The following DLEC1 variants were observed in gnomAD, a reference collection of about 807,000 sequenced individuals.
DLEC1 encodes the protein DLEC1 cilia and flagella associated protein.
In DLEC1, 146 loss-of-function variants were observed where a neutral mutation model predicts 198.1. The ratio of observed to expected loss-of-function variants is 0.74; its 90% CI spans 0.64 to 0.85. The LOEUF (loss-of-function observed/expected upper bound fraction) is 0.85, where lower values mean the gene tolerates loss of function less well. DLEC1 is among the 40% of genes least tolerant of loss of function. DLEC1 has a pLI of 0.00. For synonymous variants in DLEC1, 897 were observed against 866.8 expected, an observed-to-expected ratio of 1.03 and a Z score of -0.61; for missense variants, 2,233 against 2,220.0, an observed-to-expected ratio of 1.01 and a Z score of -0.12.
intron 3 of DLEC1, among the ~76,000 whole-genome samples, chr3:38,060,740 G>T (rs1696635938): frequency 6.6e-6 from 1 of 151,928 alleles, no homozygotes; most frequent in Admixed American, 6.6e-5. Flanking sequence ...TGTTGTCCAG[G>T]CTAGAGTGCA....
At chr3:38,077,431 G>T (rs1423394323) in intron 6 of DLEC1, among the ~76,000 whole-genome samples, 1 of 152,232 alleles carries the variant, frequency 6.6e-6, no homozygotes, top group African/African-American at 2.4e-5. Flanking sequence ...TTCTGAGAAG[G>T]GAAAGTGGTG....
chr3:38,093,718 G>A lies in DLEC1; in HGVS notation c.1870G>A (p.Glu624Lys). ...CCAGCACTTCATACGATTTGAGCCT[G>A]AAAACCTTCGGTCCACGGCTAGGAA... ...TAQHFIRFEP[E>K]NLRSTARKQL... Residue 624 changes from glutamate to lysine, a missense_variant, in exon 12 of 37, where the codon GAA (glutamate) becomes AAA (lysine). By Grantham distance (56) the Glu-to-Lys change is moderately conservative. Coordinates refer to ENST00000308059, the MANE Select transcript of DLEC1 (RefSeq NM_007335.4). The A allele has an allele frequency of 6.2e-7, 1 of 1,614,226 alleles. No individual in the cohort carries two copies. The highest frequency in any genetic ancestry group is 1.3e-5 in the African/African-American group (1 of 75,054).
intron 3 of DLEC1, 28 bp downstream of exon 3, chr3:38,059,880 T>C: frequency 6.3e-7 from 1 of 1,598,216 alleles, no homozygotes; most frequent in South Asian, 1.1e-5. Flanking sequence ...TCAAGGCCTC[T>C]GATACCATTT....
At chr3:38,090,377 C>T (rs190350469) in intron 10 of DLEC1, among the ~76,000 whole-genome samples, 16 of 152,162 alleles carry the variant, frequency 1.1e-4, no homozygotes, top group Admixed American at 8.5e-4. Context: ...CCATTTTTTT[C>T]TTCACACACA....
intron 19 of DLEC1, among the ~76,000 whole-genome samples, chr3:38,101,505 A>G (rs1392126395): frequency 6.6e-6 from 1 of 152,058 alleles, no homozygotes; most frequent in Admixed American, 6.6e-5. Flanking sequence ...TATTCGTTAA[A>G]CTATATATAT....
At chr3:38,067,814 A>AG (rs1159004493) in intron 6 of DLEC1, among the ~76,000 whole-genome samples, 1 of 144,290 alleles carries the variant, frequency 6.9e-6, no homozygotes, top group Non-Finnish European at 1.5e-5. Flanking sequence ...GTGCAGTTGC[A>AG]GGATCTTGGC....
Position 38,063,932 on chromosome 3 carries a change from T to C in DLEC1, c.1173+13T>C. On this transcript the variant is annotated intron_variant, in intron 6 of 36. Transcript: ENST00000308059. ...TCCAGTTTATGAGGTAGACATCTTGTTTCTTTACAGCTCCCACCCCATCTG... is the reference window on the plus strand; with the variant it reads ...TCCAGTTTATGAGGTAGACATCTTGCTTCTTTACAGCTCCCACCCCATCTG... 1 of 1,587,118 alleles carries C rather than the reference T, an allele frequency of 6.3e-7. No individual in the cohort carries two copies. The highest frequency in any genetic ancestry group is 8.6e-7 in the Non-Finnish European group (1 of 1,157,078).
chr3:38,048,271 C>A (rs2125581819), intron 2 of DLEC1, among the ~76,000 whole-genome samples: 1 of 152,312 alleles, frequency 6.6e-6, no homozygotes, highest in African/African-American at 2.4e-5. Context: ...TTATTCCCTC[C>A]ACCACTCCCC....
chr3:38,097,412 T>C, intron 16 of DLEC1, 95 bp from the exon 17 acceptor site: 1 of 1,578,078 alleles, frequency 6.3e-7, no homozygotes, highest in South Asian at 1.2e-5. Flanking sequence ...GTGAGGGAGA[T>C]GAGAAGTCTG....
chr3:38,088,476 A>G (rs571145312), intron 10 of DLEC1, 88 bp downstream of exon 10: 1 of 1,255,646 alleles, frequency 8.0e-7, no homozygotes, highest in Non-Finnish European at 1.2e-6. Context: ...GTCCAGTCCC[A>G]TCCCATATCA....
At chr3:38,094,422 T>C (rs1252019792) in intron 12 of DLEC1, among the ~76,000 whole-genome samples, 1 of 152,136 alleles carries the variant, frequency 6.6e-6, no homozygotes. Context: ...TAGGCACATA[T>C]CTTTCTGGAC....
intron 27 of DLEC1, 112 bp from the exon 28 acceptor site, chr3:38,116,341 C>T: frequency 9.8e-7 from 1 of 1,025,456 alleles, no homozygotes; most frequent in Non-Finnish European, 1.4e-6. Flanking sequence ...ACCCCCTCCA[C>T]CTGGGTATGG....
Position 38,085,403 on chromosome 3 carries a change from T to C in DLEC1, c.1391T>C (p.Leu464Pro). 1 of 1,614,116 alleles carries C rather than the reference T, an allele frequency of 6.2e-7. No individual in the cohort carries two copies. Among genetic ancestry groups the C allele is most frequent in the Non-Finnish European group, 8.5e-7 (1 of 1,180,000 alleles). The change falls in exon 8 of 37, where the codon CTT becomes CCT. Residue 464 changes from leucine (L) to proline (P), a missense_variant. Transcript: ENST00000308059. ...ILVETQSAHT[L>P]LIPLQARRPP... ...GTGGAGACCCAGTCAGCCCACACAC[T>C]TCTGATCCCCCTGCAGGCCCGGAGG... is the stretch of plus-strand genomic sequence containing the variant.
intron 10 of DLEC1, among the ~76,000 whole-genome samples, chr3:38,090,368 C>A (rs1029940906): frequency 3.3e-5 from 5 of 152,194 alleles, no homozygotes; most frequent in Non-Finnish European, 7.3e-5. Context: ...TTTTTACCCC[C>A]ATTTTTTTCT....
chr3:38,056,922 G>A (rs1696401397), intron 2 of DLEC1, among the ~76,000 whole-genome samples: 1 of 152,232 alleles, frequency 6.6e-6, no homozygotes, highest in Admixed American at 6.5e-5. Context: ...GCAAATTAGA[G>A]CCAGAGGGAT....
chr3:38,084,303 G>A, intron 7 of DLEC1, 58 bp downstream of exon 7: 1 of 1,440,228 alleles, frequency 6.9e-7, no homozygotes, highest in Admixed American at 1.7e-5. Context: ...GGTGGTATTA[G>A]TAGTAATAGT....
intron 6 of DLEC1, among the ~76,000 whole-genome samples, chr3:38,076,559 T>A (rs1164900959): frequency 2.0e-5 from 3 of 152,070 alleles, no homozygotes; most frequent in Non-Finnish European, 4.4e-5. Flanking sequence ...CACAAGGTAA[T>A]GTCATCACTC....
chr3:38,118,810 T>C (rs1700314749), intron 33 of DLEC1, among the ~76,000 whole-genome samples: 1 of 152,174 alleles, frequency 6.6e-6, no homozygotes, highest in African/African-American at 2.4e-5. Context: ...CATTTCTGGG[T>C]TGTCTCATCC....
intron 2 of DLEC1, chr3:38,052,266 G>T: frequency 2.1e-6 from 1 of 479,770 alleles, no homozygotes; most frequent in Non-Finnish European, 4.2e-6. Flanking sequence ...TGTTGGTGAA[G>T]GTGTGGGACC....
Sources: allele counts gnomAD v4.1 joint callset (sites outside exome capture counted in the v4.1 genomes callset), GRCh38; gene constraint gnomAD v4.1.1; transcripts MANE v1.5; gene names NCBI Gene and HGNC (gene_info 2026-07-23, HGNC 2026-07-21).